Variants in TTC7A observed in about 807,000 individuals in gnomAD.
TTC7A encodes the protein tetratricopeptide repeat domain 7A.
Under a neutral mutation model 103.7 loss-of-function variants are expected in TTC7A, and 110 were observed. The observed-to-expected ratio is 1.06, with a 90% CI of 0.91 to 1.24. The LOEUF (loss-of-function observed/expected upper bound fraction) is 1.24. TTC7A is among the 50% of genes most tolerant of loss of function. The probability of loss-of-function intolerance (pLI) is 0.00; values close to 1 mark genes in which losing one functional copy is unlikely to be tolerated. For missense variants in TTC7A, 1,340 were observed against 1,116.3 expected (o/e 1.20, Z -2.86); for synonymous variants, 521 against 467.9 (o/e 1.11, Z -1.47).
chr2:46,951,487 G>GT (rs1671399982), intron 2 of TTC7A: 1 of 443,086 alleles, frequency 2.3e-6, no homozygotes, highest in Admixed American at 2.4e-5. Flanking sequence ...GGGGGAGGGG[G>GT]TAAAAAAAAA....
intron 11 of TTC7A, among the ~76,000 whole-genome samples, chr2:47,014,401 G>T (rs1444189486): frequency 6.6e-6 from 1 of 152,190 alleles, no homozygotes; most frequent in Non-Finnish European, 1.5e-5. Flanking sequence ...AGAGCAGGCT[G>T]TGGGATATCC....
rs539918911 is a variant in TTC7A, at chr2:46,984,972, A to T, written c.764+6065A>T. ...GTGCGCTGACTCCCACCCCTCTGGG[A>T]CCCTGAATCACCATTCTCAAAGGAT... is the stretch of plus-strand genomic sequence containing the variant. On this transcript the variant is annotated intron_variant, in intron 5 of 19. Transcript: ENST00000319190. Among the ~76,000 whole-genome samples, 216 of 152,224 alleles carry T rather than the reference A, an allele frequency of 1.4e-3. 1 individual carries two copies. The highest frequency in any genetic ancestry group is 2.0e-3 in the Non-Finnish European group (139 of 68,002).
chr2:47,026,113 C>G (rs1679887194), intron 14 of TTC7A, among the ~76,000 whole-genome samples: 2 of 152,190 alleles, frequency 1.3e-5, no homozygotes, highest in Admixed American at 6.5e-5. Context: ...TTTTGGCAGC[C>G]TCAGGGAGTT....
intron 11 of TTC7A, among the ~76,000 whole-genome samples, chr2:47,014,514 G>T (rs1157296741): frequency 6.6e-6 from 1 of 152,190 alleles, no homozygotes; most frequent in Non-Finnish European, 1.5e-5. Flanking sequence ...CTGGGTTCCT[G>T]CCTCACCATC....
chr2:46,926,543 G>A (rs1046210924), intron 2 of TTC7A, among the ~76,000 whole-genome samples: 8 of 152,166 alleles, frequency 5.3e-5, no homozygotes, highest in African/African-American at 9.7e-5. Flanking sequence ...GACCACAGCC[G>A]AATGTCAATT....
chr2:47,072,258 C>T (rs1356304911), intron 19 of TTC7A, among the ~76,000 whole-genome samples: 1 of 152,218 alleles, frequency 6.6e-6, no homozygotes, highest in East Asian at 1.9e-4. Context: ...CCTGTCCTCC[C>T]CTGGCCTCTG....
chr2:46,951,313 A>G (rs1036132972), intron 2 of TTC7A, among the ~76,000 whole-genome samples: 16 of 147,490 alleles, frequency 1.1e-4, no homozygotes, highest in Non-Finnish European at 2.1e-4. Flanking sequence ...CAATTAAGAG[A>G]AAAAAAAAAA....
chr2:47,003,762 C>T (rs1405553296), intron 8 of TTC7A, among the ~76,000 whole-genome samples: 1 of 152,230 alleles, frequency 6.6e-6, no homozygotes, highest in Non-Finnish European at 1.5e-5. Context: ...TTCCTGTTCT[C>T]CCCATGGGCA....
chr2:47,070,021 G>T (rs542800031), intron 19 of TTC7A, among the ~76,000 whole-genome samples: 1 of 151,998 alleles, frequency 6.6e-6, no homozygotes, highest in South Asian at 2.1e-4. Context: ...GCTCAGCCTG[G>T]CCCACAGCTG....
chr2:46,987,180 A>T (rs1675099752), intron 5 of TTC7A, among the ~76,000 whole-genome samples: 1 of 152,184 alleles, frequency 6.6e-6, no homozygotes. Context: ...CCTCACCGCC[A>T]CTAGAGGGCA....
At chr2:47,051,054 T>A (rs180983433) in intron 17 of TTC7A, among the ~76,000 whole-genome samples, 1 of 152,010 alleles carries the variant, frequency 6.6e-6, no homozygotes, top group Non-Finnish European at 1.5e-5. Flanking sequence ...CTGAGAGAGG[T>A]TTTCCAGAGG....
chr2:46,924,758 C>G (rs1299386357), intron 2 of TTC7A, among the ~76,000 whole-genome samples: 2 of 152,196 alleles, frequency 1.3e-5, no homozygotes, highest in African/African-American at 4.8e-5. Flanking sequence ...CCTGGAATAG[C>G]TGGGACTACA....
chr2:47,050,205 C>A, intron 17 of TTC7A, 159 bp downstream of exon 17: 1 of 648,672 alleles, frequency 1.5e-6, no homozygotes, highest in Non-Finnish European at 2.7e-6. Context: ...CTGATCTTGG[C>A]TCTGGGTAGG....
intron 8 of TTC7A, among the ~76,000 whole-genome samples, chr2:47,002,703 T>TA (rs1160312612): frequency 6.6e-6 from 1 of 152,096 alleles, no homozygotes; most frequent in African/African-American, 2.4e-5. Flanking sequence ...TGCTGTGGCT[T>TA]ACCCACCAGC....
chr2:46,986,305 G>A (rs539674650), intron 5 of TTC7A, among the ~76,000 whole-genome samples: 14 of 152,298 alleles, frequency 9.2e-5, no homozygotes, highest in Admixed American at 5.9e-4. Context: ...TTACTACCCC[G>A]TGAGGGGAGT....
intron 4 of TTC7A, among the ~76,000 whole-genome samples, chr2:46,975,702 T>G (rs1415952869): frequency 6.6e-6 from 1 of 152,162 alleles, no homozygotes; most frequent in Admixed American, 6.5e-5. Flanking sequence ...TGTATTTTTT[T>G]ACTTTTATTT....
At chr2:47,033,915 G>T (rs1680833539) in intron 15 of TTC7A, among the ~76,000 whole-genome samples, 1 of 152,296 alleles carries the variant, frequency 6.6e-6, no homozygotes, top group South Asian at 2.1e-4. Context: ...AAAGGTTAGT[G>T]AGCTCCTTGG....
chr2:47,063,117 C>T (rs1683921910), intron 19 of TTC7A, among the ~76,000 whole-genome samples: 1 of 152,248 alleles, frequency 6.6e-6, no homozygotes, highest in Admixed American at 6.5e-5. Context: ...TAAGTGTCTT[C>T]CCTGTGCTGG....
At chr2:46,946,843 G>A (rs1175585732) in intron 1 of TTC7A, among the ~76,000 whole-genome samples, 1 of 152,226 alleles carries the variant, frequency 6.6e-6, no homozygotes, top group African/African-American at 2.4e-5. Flanking sequence ...GAGAGAGGTA[G>A]GGCAGGGAGA....
Sources: allele counts gnomAD v4.1 joint callset (sites outside exome capture counted in the v4.1 genomes callset), GRCh38; gene constraint gnomAD v4.1.1; transcripts MANE v1.5; gene names NCBI Gene and HGNC (gene_info 2026-07-23, HGNC 2026-07-21).